CFAP65: variants seen among roughly 807,000 people sequenced by gnomAD.
The protein encoded by CFAP65 is cilia and flagella associated protein 65.
CFAP65 carries 155 observed loss-of-function variants against 208.0 expected under a neutral mutation model. The ratio of observed to expected loss-of-function variants is 0.75; its 90% CI spans 0.65 to 0.85. The LOEUF (loss-of-function observed/expected upper bound fraction) is 0.85. Ranked by LOEUF, CFAP65 falls within the 40% of genes least tolerant of loss-of-function variation. The pLI, the probability that CFAP65 is intolerant of heterozygous loss-of-function variation, is 0.00. For synonymous variants in CFAP65, 970 were observed against 986.3 expected, an observed-to-expected ratio of 0.98 and a Z score of 0.31; for missense variants, 2,294 against 2,451.3, an observed-to-expected ratio of 0.94 and a Z score of 1.36.
chr2:219,029,660 C>G lies in CFAP65; in HGVS notation c.1393G>C (p.Val465Leu), dbSNP rs1241936251. 6.2e-7 allele frequency: 1 copy of G among 1,613,804 alleles called. No individual in the cohort carries two copies. The highest frequency in any genetic ancestry group is 1.1e-5 in the South Asian group (1 of 91,032). Residue 465 changes from valine (V) to leucine (L), a missense_variant, in exon 11 of 35, where the codon GTG (valine) becomes CTG (leucine). Around this residue, in one of 2 missense-constraint regions of CFAP65, gnomAD observed 867 missense variants for 1,012.6 expected, o/e 0.86. Coordinates refer to ENST00000341552, the MANE Select transcript of CFAP65 (RefSeq NM_194302.4). ...TTGACACAGTAGTGCTGCAGGGACA[C>G]AGCAGGGCCTGGACACAGGAGATGG... is the stretch of plus-strand genomic sequence containing the variant. Reference protein sequence around the residue: ...KVVGFCRGPAVSLQHYCVNFS... With the variant: ...KVVGFCRGPALSLQHYCVNFS...
In CFAP65 at chr2:219,003,329, C is replaced by T. The variant is rs1945711200; in HGVS notation, c.5556-57G>A. ...GCCGCAGTGCCCGCGCGCCTCCTCG[C>T]TCGCCTGTCCGTGCGGTACATTGTG... is the stretch of plus-strand genomic sequence containing the variant. On this transcript the variant is annotated intron_variant, in intron 33 of 34. Transcript: ENST00000341552. This position sits in a 1 kb window ranked among gnomAD's most constrained non-coding sequence, Gnocchi z 4.4. 4 of 1,471,296 alleles carry T rather than the reference C, an allele frequency of 2.7e-6. No homozygotes were observed. The highest frequency in any genetic ancestry group is 3.6e-6 in the Non-Finnish European group (4 of 1,110,912). 91.1% of individuals were successfully genotyped at this position (1,471,296 alleles called of 1,614,324 possible).
At chr2:219,026,778 G>T in intron 13 of CFAP65, 3 of 986,264 alleles carry the variant, frequency 3.0e-6, no homozygotes, top group Non-Finnish European at 3.6e-6. Flanking sequence ...TGCAGGTCTA[G>T]AGCCTGTAAC....
chr2:219,029,307 C>T, intron 11 of CFAP65, 96 bp downstream of exon 11: 1 of 1,472,988 alleles, frequency 6.8e-7, no homozygotes, highest in Non-Finnish European at 9.1e-7. Context: ...CCTAGAAGTT[C>T]CAGAATACAG....
chr2:219,011,053 A>T (rs1946441640), intron 24 of CFAP65, 57 bp from the exon 25 acceptor site: 1 of 1,504,606 alleles, frequency 6.6e-7, no homozygotes, highest in African/African-American at 1.4e-5. Flanking sequence ...CAAATCAGAA[A>T]GCCTGGGATG....
At position 219,023,304 on chromosome 2, in the gene CFAP65, C is replaced by G; in HGVS notation, c.2723G>C (p.Arg908Pro). The stretch of plus-strand genomic sequence containing the variant: ...CCTCCACTCGAACTGCAGGGGCAGA[C>G]GCGAGGGGTTGCGGAAGGTGAAGGG... ...TSPFTFRNPS[R>P]LPLQFEWRVS... Residue 908 changes from arginine (R) to proline (P), a missense_variant, in exon 16 of 35, where the codon CGT becomes CCT. Transcript: ENST00000341552. 6.2e-7 allele frequency: 1 copy of G among 1,613,290 alleles called. No individual in the cohort carries two copies.
rs775369558 is a variant in CFAP65, at chr2:219,028,314, G to A, written c.1738C>T (p.Arg580Cys). 8.1e-6 allele frequency: 13 copies of A among 1,613,996 alleles called. No homozygotes were observed. The highest frequency in any genetic ancestry group is 2.2e-5 in the East Asian group (1 of 44,892). The change falls in exon 12 of 35, where the codon CGC becomes TGC. Residue 580 changes from arginine to cysteine, a missense_variant. Arg to Cys is a radical substitution (Grantham distance 180). Coordinates refer to ENST00000341552, the MANE Select transcript of CFAP65 (RefSeq NM_194302.4). ...GTCAGGCCCCGGGCCAGGTGTGTGC[G>A]GTACCAGGTGAGGTGCTGAGGCTTC... ...ILKPQHLTWY[R>C]THLARGLTLY... is the part of the protein sequence containing the mutation.
At position 219,021,761 on chromosome 2, in the gene CFAP65, C is replaced by T. The variant is rs1947277932; in HGVS notation, c.3130+19G>A. The T allele has an allele frequency of 6.2e-7, 1 of 1,612,386 alleles. No individual in the cohort carries two copies. Among genetic ancestry groups the T allele is most frequent in the Admixed American group, 1.7e-5 (1 of 59,942 alleles). On this transcript the variant is annotated intron_variant, in intron 18 of 34. Transcript: ENST00000341552. ...CCTCCCACCTCCCCTGGCCCCAGTCCCAGCTCAGGCCCAAGTACCGAGGGG... is the reference window on the plus strand; with the variant it reads ...CCTCCCACCTCCCCTGGCCCCAGTCTCAGCTCAGGCCCAAGTACCGAGGGG...
Position 219,040,510 on chromosome 2 carries a change from G to T in CFAP65, c.-3+9C>A. On this transcript the variant is annotated intron_variant, in intron 2 of 34. Transcript: ENST00000341552. ...GCTAGGCACCAGACAAGGCAGGCAA[G>T]GCTCCTACCTCCAATTGTGAACTGG... 7.1e-7 allele frequency: 1 copy of T among 1,399,910 alleles called. No homozygotes were observed. The highest frequency in any genetic ancestry group is 9.9e-7 in the Non-Finnish European group (1 of 1,009,060). The allele number at this position is 1,399,910 out of a possible 1,614,324, so 86.7% of individuals were successfully genotyped here. A position where few individuals can be genotyped will look rare whatever the true frequency, so the allele number is the denominator to read the frequency against.
At chr2:219,008,513 G>A (rs1193634072) in intron 29 of CFAP65, among the ~76,000 whole-genome samples, 6 of 152,194 alleles carry the variant, frequency 3.9e-5, no homozygotes, top group African/African-American at 1.4e-4. Context: ...GGGAGGCCGA[G>A]GTGGTCAGAT....
intron 16 of CFAP65, among the ~76,000 whole-genome samples, 153 bp from the exon 17 acceptor site, chr2:219,022,482 T>A (rs1947334168): frequency 6.6e-6 from 1 of 152,088 alleles, no homozygotes; most frequent in South Asian, 2.1e-4. Flanking sequence ...ATGTATGGAG[T>A]CTCCCCAATC....
intron 21 of CFAP65, chr2:219,015,251 A>G (rs111797427): frequency 6.6e-6 from 1 of 151,240 alleles, no homozygotes; most frequent in Admixed American, 6.6e-5. Context: ...CTTGAGAGGA[A>G]GTGCACAACA....
Position 219,010,547 on chromosome 2 carries a change from T to G in CFAP65, c.4307A>C (p.Gln1436Pro). 1 of 1,607,934 alleles carries G rather than the reference T, an allele frequency of 6.2e-7. No homozygotes were observed. Among genetic ancestry groups the G allele is most frequent in the Non-Finnish European group, 8.5e-7 (1 of 1,178,570 alleles). Residue 1436 changes from glutamine to proline, a missense_variant and splice_region_variant, in exon 26 of 35, where the codon CAG becomes CCG. Physicochemically the swap from Gln to Pro is moderately conservative, Grantham distance 76. Coordinates refer to ENST00000341552, the MANE Select transcript of CFAP65 (RefSeq NM_194302.4). Reference protein sequence around the residue: ...SIHSRLVVPGQNVFLSQSHIS... With the variant: ...SIHSRLVVPGPNVFLSQSHIS... ...CCTTCCTAGCTCCCCTTTCCCCACCTGTCCAGGCACCACCAGCCTAGAGTG... is the reference window on the plus strand; with the variant it reads ...CCTTCCTAGCTCCCCTTTCCCCACCGGTCCAGGCACCACCAGCCTAGAGTG...
chr2:219,005,540 G>A lies in CFAP65; in HGVS notation c.4945C>T (p.Pro1649Ser). The A allele has an allele frequency of 6.2e-7, 1 of 1,612,234 alleles. No individual in the cohort carries two copies. Among genetic ancestry groups the A allele is most frequent in the Non-Finnish European group, 8.5e-7 (1 of 1,179,930 alleles). Residue 1649 changes from proline to serine, a missense_variant, in exon 32 of 35, where the codon CCC becomes TCC. By Grantham distance (74) the Pro-to-Ser change is moderately conservative (BLOSUM62 -1). This residue lies in a region of CFAP65 where 1,427 missense variants were observed against 1,438.7 expected (regional missense o/e 0.99). Transcript: ENST00000341552. ...TCAGAAGTCTCTGACTCTTCCCTGG[G>A]GGCCTTCCTCTTTGGCAGCTCCCTG... Reference protein sequence around the residue: ...LHRELPKRKAPREESETSEEK... With the variant: ...LHRELPKRKASREESETSEEK...
chr2:219,040,818 G>A, intron 1 of CFAP65, among the ~76,000 whole-genome samples: 1 of 152,214 alleles, frequency 6.6e-6, no homozygotes, highest in East Asian at 1.9e-4. Context: ...GGGACGCTGG[G>A]TGCCAGCATC....
At chr2:219,021,999 C>T (rs1009218880) in intron 17 of CFAP65, 69 bp from the exon 18 acceptor site, 10 of 1,590,790 alleles carry the variant, frequency 6.3e-6, no homozygotes, top group Non-Finnish European at 8.6e-6. Context: ...CTCCCAGCCC[C>T]ATTTTCAGAG....
intron 15 of CFAP65, among the ~76,000 whole-genome samples, chr2:219,023,745 T>G (rs1187083687): frequency 1.3e-5 from 2 of 152,162 alleles, no homozygotes; most frequent in Non-Finnish European, 2.9e-5. Context: ...CCTGCAGGTG[T>G]CTTTTGCCTC....
In CFAP65 at chr2:219,010,636, G is replaced by GTA. The variant is rs767600319; in HGVS notation, c.4217_4218insTA (p.Pro1407ThrfsTer4). ...GGGCTGTGTCCCCCATCATATGGGG[G>GTA]TTGTAGCCCACTCCCTGGAAGTGGA... On this transcript the variant is annotated frameshift_variant, in exon 26 of 35. Coordinates refer to ENST00000341552, the MANE Select transcript of CFAP65 (RefSeq NM_194302.4). LOFTEE classifies it high-confidence loss of function. 140 of 1,611,756 alleles carry GTA rather than the reference G, an allele frequency of 8.7e-5. No homozygotes were observed. The highest frequency in any genetic ancestry group is 1.2e-4 in the Non-Finnish European group (138 of 1,179,506).
chr2:219,014,175 C>G (rs1360175294), intron 21 of CFAP65, 131 bp from the exon 22 acceptor site: 1 of 731,288 alleles, frequency 1.4e-6, no homozygotes, highest in Non-Finnish European at 2.1e-6. Context: ...ATTTGGCAAA[C>G]TGTCCCATGT....
In CFAP65 at chr2:219,030,051, T is replaced by C; in HGVS notation, c.1319A>G (p.Tyr440Cys). 1.2e-6 allele frequency: 2 copies of C among 1,614,018 alleles called. No individual in the cohort carries two copies. Among genetic ancestry groups the C allele is most frequent in the Non-Finnish European group, 1.7e-6 (2 of 1,179,978 alleles). Residue 440 changes from tyrosine (Y) to cysteine (C), a missense_variant, in exon 10 of 35, where the codon TAC (tyrosine) becomes TGC (cysteine). Transcript: ENST00000341552. ...PKTLDTRTVD[Y>C]CSIMPSGCAS... is the part of the protein sequence containing the mutation. The stretch of plus-strand genomic sequence containing the variant: ...ACAGCCAGAAGGCATGATGGAGCAG[T>C]AGTCCACAGTTCTGGTGTCCAGAGT...
Sources: gnomAD v4.1 joint callset for allele counts (sites outside exome capture counted in the v4.1 genomes callset) on GRCh38, gnomAD v4.1.1 for gene constraint, gnomAD v4.1.1 regional missense constraint, Gnocchi (gnomAD v3.1) non-coding constraint, MANE v1.5 for transcripts, NCBI Gene and HGNC (gene_info 2026-07-23, HGNC 2026-07-21) for gene names.